The following C13orf42 variants were observed in gnomAD, a reference collection of about 807,000 sequenced individuals.
C13orf42 encodes the protein chromosome 13 open reading frame 42.
chr13:51,136,083 C>G (rs1360483750), intron 1 of C13orf42, among the ~76,000 whole-genome samples: 2 of 152,128 alleles, frequency 1.3e-5, no homozygotes, highest in East Asian at 3.9e-4. Context: ...CTTCCCACTT[C>G]CCCTTGCCCA....
At chr13:51,143,473 T>TTA (rs1491196235) in intron 1 of C13orf42, among the ~76,000 whole-genome samples, 1 of 88,836 alleles carries the variant, frequency 1.1e-5, no homozygotes, top group African/African-American at 4.7e-5. Flanking sequence ...TATAAAAGAC[T>TTA]TATGGAAGTT....
intron 1 of C13orf42, among the ~76,000 whole-genome samples, chr13:51,120,912 G>C (rs1953529622): frequency 6.6e-6 from 1 of 152,180 alleles, no homozygotes; most frequent in East Asian, 1.9e-4. Context: ...TACTCGAGAG[G>C]CTGAGGCAGG....
chr13:51,158,850 C>T (rs924169162), intron 1 of C13orf42, among the ~76,000 whole-genome samples: 29 of 152,318 alleles, frequency 1.9e-4, no homozygotes, highest in Non-Finnish European at 2.9e-5. Context: ...AGAGGCAAAA[C>T]GCTAGTATGT....
At chr13:51,118,988 A>G (rs114612063) in intron 1 of C13orf42, among the ~76,000 whole-genome samples, 188 of 151,622 alleles carry the variant, frequency 1.2e-3, no homozygotes, top group African/African-American at 4.5e-3. Flanking sequence ...CCTGGTGTAC[A>G]GTGTGCCCAG....
intron 1 of C13orf42, among the ~76,000 whole-genome samples, chr13:51,090,136 A>G (rs1953167309): frequency 6.6e-6 from 1 of 152,118 alleles, no homozygotes; most frequent in African/African-American, 2.4e-5. Flanking sequence ...GGCAGGTGAC[A>G]GAAGGCTCAC....
intron 1 of C13orf42, among the ~76,000 whole-genome samples, chr13:51,148,096 T>C (rs934864497): frequency 6.6e-6 from 1 of 152,220 alleles, no homozygotes; most frequent in Non-Finnish European, 1.5e-5. Flanking sequence ...GCTTTGCATC[T>C]GCATAGCACT....
chr13:51,132,541 T>A (rs368920546), intron 1 of C13orf42, among the ~76,000 whole-genome samples: 1 of 152,180 alleles, frequency 6.6e-6, no homozygotes, highest in African/African-American at 2.4e-5. Flanking sequence ...TGAGTGTCCC[T>A]CAACATACTT....
At chr13:51,161,180 C>T (rs1215279260) in intron 1 of C13orf42, among the ~76,000 whole-genome samples, 1 of 149,146 alleles carries the variant, frequency 6.7e-6, no homozygotes, top group African/African-American at 2.4e-5. Flanking sequence ...GAAATAACAA[C>T]TTCACTAATT....
At chr13:51,153,310 A>G (rs2138040332) in intron 1 of C13orf42, among the ~76,000 whole-genome samples, 1 of 152,008 alleles carries the variant, frequency 6.6e-6, no homozygotes, top group South Asian at 2.1e-4. Flanking sequence ...AGAGTGTGGG[A>G]GCCAGGCATG....
intron 1 of C13orf42, chr13:51,161,662 GA>G (rs1441666256): frequency 2.0e-4 from 35 of 178,126 alleles, no homozygotes; most frequent in Non-Finnish European, 3.2e-4. Context: ...CCTTCCCATG[GA>G]AACTACAATA....
At chr13:51,122,399 T>C (rs1243449688) in intron 1 of C13orf42, among the ~76,000 whole-genome samples, 1 of 152,124 alleles carries the variant, frequency 6.6e-6, no homozygotes, top group East Asian at 1.9e-4. Flanking sequence ...CCAGGTATCA[T>C]GGTGCATGCC....
At chr13:51,113,117 A>G (rs972308422), upstream of C13orf42, 3 of 152,226 alleles carry the variant, frequency 2.0e-5, no homozygotes, top group African/African-American at 7.2e-5. Flanking sequence ...CATATCCAGA[A>G]TGCCACAAGC....
At chr13:51,100,728 T>TA (rs1336695996) in intron 1 of C13orf42, among the ~76,000 whole-genome samples, 1 of 152,186 alleles carries the variant, frequency 6.6e-6, no homozygotes, top group Admixed American at 6.5e-5. Context: ...ATGAAAAGCA[T>TA]AAATTGGTAA....
chr13:51,139,477 G>A (rs184951643), intron 1 of C13orf42, among the ~76,000 whole-genome samples: 1 of 152,310 alleles, frequency 6.6e-6, no homozygotes, highest in East Asian at 1.9e-4. Context: ...TTGAATAGGA[G>A]CTGGGTAAAA....
chr13:51,090,447 T>C (rs565258521), intron 1 of C13orf42, among the ~76,000 whole-genome samples: 2 of 152,228 alleles, frequency 1.3e-5, no homozygotes, highest in African/African-American at 4.8e-5. Context: ...GCCTGACCCC[T>C]GAGGAAGGAT....
intron 1 of C13orf42, among the ~76,000 whole-genome samples, chr13:51,096,356 G>A (rs1459236415): frequency 6.6e-6 from 1 of 152,170 alleles, no homozygotes; most frequent in Non-Finnish European, 1.5e-5. Context: ...CAGGCGCTGT[G>A]TCCCTGGGGA....
At chr13:51,164,716 A>G (rs946563844) in intron 1 of C13orf42, among the ~76,000 whole-genome samples, 9 of 152,252 alleles carry the variant, frequency 5.9e-5, no homozygotes, top group African/African-American at 1.9e-4. Flanking sequence ...CCATGAAATT[A>G]TTTAGAACCT....
chr13:51,150,037 A>G (rs188179330), intron 1 of C13orf42, among the ~76,000 whole-genome samples: 4 of 152,388 alleles, frequency 2.6e-5, no homozygotes, highest in Non-Finnish European at 1.5e-5. Context: ...CTTTGTATTT[A>G]GAAGTTAGAA....
chr13:51,114,655 C>T (rs4942953), upstream of C13orf42, among the ~76,000 whole-genome samples: 45,975 of 117,842 alleles, frequency 0.39, 7,856 homozygotes, highest in East Asian at 0.43. Flanking sequence ...TAGAGATAGA[C>T]AGACAGACAG....
Sources: allele counts gnomAD v4.1 joint callset (sites outside exome capture counted in the v4.1 genomes callset), GRCh38; gene constraint gnomAD v4.1.1; transcripts MANE v1.5; gene names NCBI Gene and HGNC (gene_info 2026-07-23, HGNC 2026-07-21).